PDZRN4: variants seen among roughly 807,000 people sequenced by gnomAD.
PDZRN4 encodes PDZ domain-containing RING finger protein 4.
In PDZRN4, 70 loss-of-function variants were observed where a neutral mutation model predicts 99.0. The observed-to-expected ratio is 0.71, with a 90% confidence interval of 0.58 to 0.86. The LOEUF (loss-of-function observed/expected upper bound fraction) is 0.86, where lower values mean the gene tolerates loss of function less well. Ranked by LOEUF, PDZRN4 falls within the 40% of genes least tolerant of loss-of-function variation. PDZRN4 has a pLI of 0.00. For synonymous variants in PDZRN4, 551 were observed against 501.6 expected (o/e 1.10, Z -1.32); for missense variants, 1,474 against 1,331.2 (o/e 1.11, Z -1.67).
chr12:41,544,111 G>A (rs545061224), intron 5 of PDZRN4, among the ~76,000 whole-genome samples: 21 of 152,272 alleles, frequency 1.4e-4, no homozygotes, highest in African/African-American at 5.1e-4. Flanking sequence ...AGGAATGTTT[G>A]GTACATAATA....
chr12:41,197,650 C>G (rs1950782251), intron 3 of PDZRN4, among the ~76,000 whole-genome samples: 2 of 152,072 alleles, frequency 1.3e-5, no homozygotes, highest in African/African-American at 2.4e-5. Flanking sequence ...TCACATACAC[C>G]AAGAATTCAC....
At chr12:41,399,165 T>C (rs984278931) in intron 3 of PDZRN4, among the ~76,000 whole-genome samples, 3 of 152,118 alleles carry the variant, frequency 2.0e-5, no homozygotes, top group Admixed American at 1.3e-4. Context: ...TCATTAAAAT[T>C]CATTAATTAT....
intron 5 of PDZRN4, among the ~76,000 whole-genome samples, chr12:41,548,612 A>C (rs572783002): frequency 8.5e-5 from 13 of 152,310 alleles, no homozygotes; most frequent in African/African-American, 2.6e-4. Context: ...TCTTACGAAG[A>C]GGAAAATCTT....
At chr12:41,316,519 G>A (rs896413740) in intron 3 of PDZRN4, among the ~76,000 whole-genome samples, 4 of 150,270 alleles carry the variant, frequency 2.7e-5, no homozygotes, top group Non-Finnish European at 5.9e-5. Flanking sequence ...TGTAGCCCAG[G>A]ACAATGAATT....
At chr12:41,500,943 A>G (rs984036377) in intron 3 of PDZRN4, among the ~76,000 whole-genome samples, 6 of 152,146 alleles carry the variant, frequency 3.9e-5, no homozygotes, top group African/African-American at 1.4e-4. Context: ...TCAAATAGAG[A>G]ATTGACTCTG....
chr12:41,305,300 C>A (rs1376421628), intron 3 of PDZRN4, among the ~76,000 whole-genome samples: 3 of 152,138 alleles, frequency 2.0e-5, no homozygotes, highest in Non-Finnish European at 2.9e-5. Context: ...CATTAGTAAA[C>A]CAGAAACAGT....
At chr12:41,426,039 G>T (rs1952533580) in intron 3 of PDZRN4, among the ~76,000 whole-genome samples, 1 of 152,164 alleles carries the variant, frequency 6.6e-6, no homozygotes, top group South Asian at 2.1e-4. Flanking sequence ...GATGGAAATT[G>T]CAGTTTCAAG....
intron 3 of PDZRN4, among the ~76,000 whole-genome samples, chr12:41,456,816 T>C (rs983720012): frequency 3.3e-5 from 5 of 152,156 alleles, no homozygotes; most frequent in Non-Finnish European, 5.9e-5. Context: ...GATTCTGCAA[T>C]TGAGTATGAC....
At chr12:41,358,512 A>G (rs565776671) in intron 3 of PDZRN4, among the ~76,000 whole-genome samples, 14 of 152,002 alleles carry the variant, frequency 9.2e-5, no homozygotes, top group Middle Eastern at 3.4e-3. Context: ...CATTGTATAG[A>G]TGAAATTAAG....
chr12:41,457,789 AGGGG>A (rs1342280749), intron 3 of PDZRN4, among the ~76,000 whole-genome samples: 1 of 152,232 alleles, frequency 6.6e-6, no homozygotes, highest in African/African-American at 2.4e-5. Flanking sequence ...AAATTAACCC[AGGGG>A]TTGATAATGA....
chr12:41,355,177 T>C (rs187875258), intron 3 of PDZRN4, among the ~76,000 whole-genome samples: 6 of 152,072 alleles, frequency 3.9e-5, no homozygotes, highest in Admixed American at 3.3e-4. Context: ...TTCAAGAAAA[T>C]AAAATTGGCT....
intron 5 of PDZRN4, among the ~76,000 whole-genome samples, chr12:41,537,159 C>T (rs1465303644): frequency 1.3e-5 from 2 of 152,124 alleles, no homozygotes; most frequent in Non-Finnish European, 2.9e-5. Context: ...CATTAAAACA[C>T]TATAAGCTCA....
chr12:41,499,765 GAGA>G (rs1938078910), intron 3 of PDZRN4, among the ~76,000 whole-genome samples: 1 of 152,058 alleles, frequency 6.6e-6, no homozygotes, highest in Non-Finnish European at 1.5e-5. Flanking sequence ...GCTTGCATTT[GAGA>G]ATGCCTTACC....
At chr12:41,382,628 C>G (rs533590920) in intron 3 of PDZRN4, among the ~76,000 whole-genome samples, 19 of 152,196 alleles carry the variant, frequency 1.2e-4, no homozygotes, top group Non-Finnish European at 2.6e-4. Flanking sequence ...TACTAATCAG[C>G]AATCTCTCTG....
Position 41,221,311 on chromosome 12 carries a change from C to T in PDZRN4, c.843+27123C>T, listed in dbSNP as rs140335524. ...ACTCGTCCTAACACAGAAATTAGTA[C>T]GGTGAAGTGGGTGTGCTATTGTAAC... is the stretch of plus-strand genomic sequence containing the variant. On this transcript the variant is annotated intron_variant, in intron 3 of 9. Transcript: ENST00000402685. 3.9e-5 allele frequency among the ~76,000 whole-genome samples: 6 copies of T among 152,230 alleles called. No individual in the cohort carries two copies. The East Asian group carries it at 1.2e-3, about 29-fold the overall frequency.
At chr12:41,343,234 A>G (rs1253899786) in intron 3 of PDZRN4, among the ~76,000 whole-genome samples, 2 of 151,942 alleles carry the variant, frequency 1.3e-5, no homozygotes, top group Non-Finnish European at 2.9e-5. Flanking sequence ...TTGTGCACAT[A>G]AAGATTTTCA....
At chr12:41,373,222 T>C (rs1337607134) in intron 3 of PDZRN4, among the ~76,000 whole-genome samples, 1 of 152,044 alleles carries the variant, frequency 6.6e-6, no homozygotes, top group Non-Finnish European at 1.5e-5. Context: ...AAATTAAAAT[T>C]GCTAATGAAG....
intron 3 of PDZRN4, among the ~76,000 whole-genome samples, chr12:41,346,481 A>C (rs965525137): frequency 1.9e-4 from 29 of 152,000 alleles, no homozygotes; most frequent in Non-Finnish European, 2.9e-4. Flanking sequence ...AAATAAAATA[A>C]AATAAAAATA....
At chr12:41,251,587 A>G (rs928104035) in intron 3 of PDZRN4, among the ~76,000 whole-genome samples, 6 of 152,166 alleles carry the variant, frequency 3.9e-5, no homozygotes, top group African/African-American at 1.4e-4. Context: ...ATGTTATAAA[A>G]AGTTAGTTTA....
Sources: allele counts gnomAD v4.1 joint callset (sites outside exome capture counted in the v4.1 genomes callset), GRCh38; gene constraint gnomAD v4.1.1; transcripts MANE v1.5; gene names NCBI Gene and HGNC (gene_info 2026-07-23, HGNC 2026-07-21).